Variants in PTPRT observed in about 807,000 individuals in gnomAD.
The protein encoded by PTPRT is protein tyrosine phosphatase receptor type T.
Under a neutral mutation model 176.8 loss-of-function variants are expected in PTPRT, and 56 were observed. That is an observed-to-expected ratio of 0.32 (90% CI 0.26 to 0.40). The LOEUF (loss-of-function observed/expected upper bound fraction) is 0.40. Among genes scored for constraint, PTPRT ranks in the 10% least tolerant of loss-of-function variants. PTPRT has a pLI of 1.00. For missense variants in PTPRT, 1,540 were observed against 1,908.2 expected (o/e 0.81, Z 3.60); for synonymous variants, 783 against 739.0 (o/e 1.06, Z -0.96).
chr20:42,949,835 A>C lies in PTPRT; in HGVS notation c.89-63903T>G, dbSNP rs537857838. Among the ~76,000 whole-genome samples, 48 of 152,334 alleles carry C rather than the reference A, an allele frequency of 3.2e-4. No individual in the cohort carries two copies. The South Asian group carries it at 4.8e-3, about 15-fold the overall frequency. On this transcript the variant is annotated intron_variant, in intron 1 of 30. Transcript: ENST00000373187. ...TTTCTAAGCTCACCCTGGCCAGAAA[A>C]AATCTCTATTGTAGAACTGAGACAA...
intron 7 of PTPRT, among the ~76,000 whole-genome samples, chr20:42,632,981 G>C (rs2074445527): frequency 6.6e-6 from 1 of 152,148 alleles, no homozygotes; most frequent in African/African-American, 2.4e-5. Context: ...CAAAGTAGAA[G>C]TTAGGAAGTA....
chr20:42,112,118 C>T lies in PTPRT; in HGVS notation c.3100-1631G>A, dbSNP rs746547755. Among the ~76,000 whole-genome samples, 41 of 152,162 alleles carry T rather than the reference C, an allele frequency of 2.7e-4. 1 individual carries two copies. The highest frequency in any genetic ancestry group is 4.6e-4 in the Admixed American group (7 of 15,286). On this transcript the variant is annotated intron_variant, in intron 22 of 30. Transcript: ENST00000373187. ...GGAAGCTACAGGGAGATTACACAGA[C>T]GGTTCCACACAAGAGGAAGTGCATC...
At chr20:42,563,018 G>A (rs1004505628) in intron 7 of PTPRT, among the ~76,000 whole-genome samples, 1 of 151,976 alleles carries the variant, frequency 6.6e-6, no homozygotes, top group Admixed American at 6.6e-5. Context: ...TTGCCTAAAA[G>A]TGTAATAAGG....
At chr20:42,339,841 G>A (rs2058088038) in intron 11 of PTPRT, among the ~76,000 whole-genome samples, 1 of 152,208 alleles carries the variant, frequency 6.6e-6, no homozygotes, top group African/African-American at 2.4e-5. Flanking sequence ...TAGCTCGGTA[G>A]ATCAGAATCT....
chr20:42,049,606 A>G, the PTPRT span, among the ~76,000 whole-genome samples: 1 of 152,222 alleles, frequency 6.6e-6, no homozygotes, highest in Non-Finnish European at 1.5e-5. Flanking sequence ...TCCCCAGGGC[A>G]GTAGCTCTCA....
rs2015486024 is a variant in PTPRT at position 43,189,555 on chromosome 20, C to A, written c.88+91G>T. The A allele has an allele frequency of 2.3e-6, 2 of 878,624 alleles. No homozygotes were observed. The highest frequency in any genetic ancestry group is 1.7e-5 in the African/African-American group (1 of 57,258). 54.4% of individuals were successfully genotyped at this position (878,624 alleles called of 1,614,324 possible). A position where few individuals can be genotyped will look rare whatever the true frequency, so the allele number is the denominator to read the frequency against. ...GGACCCGCGCCCCCGCGAGCCCACA[C>A]AACTTTCTCCTCCGAGGGCCCCGCG... On this transcript the variant is annotated intron_variant, in intron 1 of 30. Transcript: ENST00000373187. This position sits in a 1 kb window ranked among gnomAD's most constrained non-coding sequence, Gnocchi z 5.0.
chr20:42,665,704 C>A (rs1381296238), intron 7 of PTPRT, among the ~76,000 whole-genome samples: 1 of 152,116 alleles, frequency 6.6e-6, no homozygotes, highest in Non-Finnish European at 1.5e-5. Context: ...AAATGTCCAA[C>A]AGTGATAGAC....
intron 5 of PTPRT, among the ~76,000 whole-genome samples, chr20:42,764,338 G>C (rs79561535): frequency 0.01 from 1,553 of 152,230 alleles, 32 homozygotes; most frequent in African/African-American, 0.036. Flanking sequence ...GAATTAAGAA[G>C]GCAACTAGGG....
chr20:43,086,480 T>C (rs994849644), intron 1 of PTPRT, among the ~76,000 whole-genome samples: 9 of 152,242 alleles, frequency 5.9e-5, no homozygotes, highest in Non-Finnish European at 1.2e-4. Context: ...GAAATGACTT[T>C]AACATCGACA....
intron 1 of PTPRT, among the ~76,000 whole-genome samples, chr20:42,961,901 C>T (rs372849225): frequency 4.5e-4 from 69 of 152,148 alleles, no homozygotes; most frequent in African/African-American, 1.5e-3. Flanking sequence ...GAGAAGGAGG[C>T]GTACTGATGG....
chr20:42,794,982 C>CGCCACTAGAGATT (rs2077432640), intron 2 of PTPRT, among the ~76,000 whole-genome samples: 1 of 152,096 alleles, frequency 6.6e-6, no homozygotes, highest in Non-Finnish European at 1.5e-5. Flanking sequence ...AGCTCAAGCG[C>CGCCACTAGAGATT]GCCACTAGAG....
chr20:43,122,087 TC>T (rs1229647576), intron 1 of PTPRT, among the ~76,000 whole-genome samples: 1 of 152,122 alleles, frequency 6.6e-6, no homozygotes, highest in Non-Finnish European at 1.5e-5. Flanking sequence ...CCCGGGAGGA[TC>T]CCATCCTCAG....
At chr20:42,431,674 T>C (rs1475960512) in intron 9 of PTPRT, among the ~76,000 whole-genome samples, 2 of 152,216 alleles carry the variant, frequency 1.3e-5, no homozygotes, top group African/African-American at 4.8e-5. Context: ...AAGGCTAAGA[T>C]AACAGAATGC....
the PTPRT span, among the ~76,000 whole-genome samples, chr20:42,058,670 G>C: frequency 9.8e-5 from 15 of 152,320 alleles, no homozygotes; most frequent in East Asian, 2.7e-3. Flanking sequence ...CCCTGAATCA[G>C]TGAAGGAGGC....
intron 7 of PTPRT, among the ~76,000 whole-genome samples, chr20:42,513,237 T>TGC (rs1344175421): frequency 1.3e-5 from 2 of 151,360 alleles, no homozygotes; most frequent in East Asian, 3.9e-4. Flanking sequence ...TGTGTGTGTG[T>TGC]GTTTTCCAGG....
chr20:42,672,066 C>T (rs1188828683), intron 7 of PTPRT, among the ~76,000 whole-genome samples: 1 of 152,210 alleles, frequency 6.6e-6, no homozygotes, highest in African/African-American at 2.4e-5. Flanking sequence ...AAAATTGTTT[C>T]ACCACTGTGA....
At chr20:42,916,037 A>G (rs944663247) in intron 1 of PTPRT, among the ~76,000 whole-genome samples, 3 of 152,134 alleles carry the variant, frequency 2.0e-5, no homozygotes, top group Admixed American at 2.0e-4. Flanking sequence ...ATATGTATAC[A>G]TGTGCCATGT....
rs929867707 is a variant in PTPRT, at chr20:42,736,736, G to A, written c.859+19726C>T. Among the ~76,000 whole-genome samples the A allele has an allele frequency of 2.0e-5, 3 of 152,132 alleles. 1 individual carries two copies. Among genetic ancestry groups the A allele is most frequent in the Non-Finnish European group, 4.4e-5 (3 of 68,016 alleles). ...CGGGGTACAATTTATGCCCTTCTGT[G>A]GGCAATAGGGCCTTGGCAGGGGAAG... On this transcript the variant is annotated intron_variant, in intron 6 of 30. Transcript: ENST00000373187.
At chr20:42,348,467 T>G (rs1262336538) in intron 11 of PTPRT, among the ~76,000 whole-genome samples, 1 of 152,112 alleles carries the variant, frequency 6.6e-6, no homozygotes, top group Non-Finnish European at 1.5e-5. Context: ...TGGTATAGTA[T>G]AGTAAAATGA....
Sources: gnomAD v4.1 joint callset for allele counts (sites outside exome capture counted in the v4.1 genomes callset) on GRCh38, gnomAD v4.1.1 for gene constraint, Gnocchi (gnomAD v3.1) non-coding constraint, MANE v1.5 for transcripts, NCBI Gene and HGNC (gene_info 2026-07-23, HGNC 2026-07-21) for gene names.